The following SEMA5B variants were observed in gnomAD, a reference collection of about 807,000 sequenced individuals.
SEMA5B encodes semaphorin 5B.
SEMA5B carries 66 observed loss-of-function variants against 135.0 expected under a neutral mutation model. The observed-to-expected ratio is 0.49, with a 90% confidence interval of 0.40 to 0.60. The LOEUF is 0.60. Ranked by LOEUF, SEMA5B falls within the 20% of genes least tolerant of loss-of-function variation. SEMA5B has a pLI of 0.00. For synonymous variants in SEMA5B, 690 were observed against 639.5 expected, an observed-to-expected ratio of 1.08 and a Z score of -1.19; for missense variants, 1,501 against 1,566.3, an observed-to-expected ratio of 0.96 and a Z score of 0.70.
chr3:122,916,861 C>A (rs1012579847), intron 12 of SEMA5B, among the ~76,000 whole-genome samples: 5 of 152,166 alleles, frequency 3.3e-5, no homozygotes, highest in African/African-American at 1.2e-4. Context: ...GGTTCCTCAA[C>A]CCTGAGGGCT....
chr3:122,928,387 G>A, intron 7 of SEMA5B, 130 bp downstream of exon 7: 1 of 616,030 alleles, frequency 1.6e-6, no homozygotes, highest in East Asian at 2.8e-5. Flanking sequence ...AATCTAACTG[G>A]GTGTCCTTTT....
chr3:122,917,205 C>G (rs561297621), intron 12 of SEMA5B, among the ~76,000 whole-genome samples: 3 of 152,214 alleles, frequency 2.0e-5, no homozygotes, highest in South Asian at 4.1e-4. Flanking sequence ...GCTTCCACCC[C>G]CTTCTGAGCC....
In SEMA5B at chr3:122,915,455, A is replaced by C. The variant is rs770985744; in HGVS notation, c.1973T>G (p.Ile658Ser). 1.2e-6 allele frequency: 2 copies of C among 1,611,582 alleles called. No individual in the cohort carries two copies. Among genetic ancestry groups the C allele is most frequent in the Non-Finnish European group, 1.7e-6 (2 of 1,178,618 alleles). ...CCTCACATACCTGGAGCAGTTGGCG[A>C]TGTGGATGGCTGGCCCCAGGCAGTC... The part of the protein sequence containing the change: ...GLDCLGPAIH[I>S]ANCSRNGAWT... The change falls in exon 14 of 23, where the codon ATC (isoleucine) becomes AGC (serine). Residue 658 changes from isoleucine to serine, a missense_variant. Physicochemically the swap from Ile to Ser is moderately radical, Grantham distance 142. This residue lies in a region of SEMA5B where 927 missense variants were observed against 881.6 expected (regional missense o/e 1.05). Transcript: ENST00000357599.
At chr3:122,951,548 AGTCT>A (rs1158416125) in intron 2 of SEMA5B, among the ~76,000 whole-genome samples, 3 of 152,202 alleles carry the variant, frequency 2.0e-5, no homozygotes, top group African/African-American at 4.8e-5. Context: ...CTCCTTCGCT[AGTCT>A]GTCTAACATG....
chr3:122,977,040 ACT>A (rs890292822), intron 1 of SEMA5B, among the ~76,000 whole-genome samples: 6 of 151,978 alleles, frequency 3.9e-5, no homozygotes, highest in African/African-American at 1.5e-4. Context: ...ACAGAGTGAG[ACT>A]CTGTCTTGAA....
At chr3:122,985,438 A>C (rs1160014477) in intron 1 of SEMA5B, among the ~76,000 whole-genome samples, 1 of 152,062 alleles carries the variant, frequency 6.6e-6, no homozygotes, top group Admixed American at 6.6e-5. Flanking sequence ...CAGGAGTTGG[A>C]GACTGCAGTG....
rs560977881 is a variant in SEMA5B at position 122,923,834 on chromosome 3, G to C, written c.1137-82C>G. On this transcript the variant is annotated intron_variant, in intron 9 of 22. Transcript: ENST00000357599. ...CATAAACCCCACAGCCAGCTGTCAT[G>C]TCCAATTCCCAAGGCTCTGTAAGCA... 17 of 1,505,972 alleles carry C rather than the reference G, an allele frequency of 1.1e-5. No individual in the cohort carries two copies. The African/African-American group carries it at 2.3e-4, about 21-fold the overall frequency. 93.3% of individuals were successfully genotyped at this position (1,505,972 alleles called of 1,614,324 possible). A position where few individuals can be genotyped will look rare whatever the true frequency, so the allele number is the denominator to read the frequency against.
intron 2 of SEMA5B, among the ~76,000 whole-genome samples, chr3:122,952,024 C>T (rs186250576): frequency 6.6e-6 from 1 of 152,288 alleles, no homozygotes; most frequent in African/African-American, 2.4e-5. Flanking sequence ...ACCCCTTCTC[C>T]CCCCACTCCC....
At chr3:123,021,551 C>T (rs1312540089) in intron 1 of SEMA5B, among the ~76,000 whole-genome samples, 2 of 152,168 alleles carry the variant, frequency 1.3e-5, no homozygotes, top group East Asian at 3.8e-4. Flanking sequence ...GTATTCCTAA[C>T]AGGGGGGCTC....
chr3:122,982,028 C>A (rs980245814), intron 1 of SEMA5B, among the ~76,000 whole-genome samples: 1 of 152,216 alleles, frequency 6.6e-6, no homozygotes, highest in South Asian at 2.1e-4. Flanking sequence ...CAGTGGAGGG[C>A]TTTGGCTGCA....
intron 1 of SEMA5B, among the ~76,000 whole-genome samples, chr3:122,972,579 G>A (rs1288244260): frequency 6.6e-6 from 1 of 152,178 alleles, no homozygotes; most frequent in African/African-American, 2.4e-5. Context: ...TTTAACCACT[G>A]GCTCCAGATG....
At chr3:122,981,526 TC>T (rs1376895018) in intron 1 of SEMA5B, among the ~76,000 whole-genome samples, 1 of 152,166 alleles carries the variant, frequency 6.6e-6, no homozygotes, top group Non-Finnish European at 1.5e-5. Flanking sequence ...AGATCTAACT[TC>T]CTACACTCAC....
chr3:122,948,502 T>C lies in SEMA5B; in HGVS notation c.328+4A>G. On this transcript the variant is annotated splice_donor_region_variant and intron_variant, in intron 3 of 22. Coordinates refer to ENST00000357599, the MANE Select transcript of SEMA5B (RefSeq NM_001031702.4). Reference sequence around the variant, plus strand: ...GACAGGGCCAAGTAGGAAGCAACTCTTACCTTCAAAGGCCACGGTGGGGTG... The same window carrying C: ...GACAGGGCCAAGTAGGAAGCAACTCCTACCTTCAAAGGCCACGGTGGGGTG... The C allele has an allele frequency of 6.3e-7, 1 of 1,596,312 alleles. No individual in the cohort carries two copies. The highest frequency in any genetic ancestry group is 1.1e-5 in the South Asian group (1 of 89,862).
chr3:122,994,766 G>T (rs1057008854), intron 1 of SEMA5B, among the ~76,000 whole-genome samples: 1 of 152,204 alleles, frequency 6.6e-6, no homozygotes, highest in Non-Finnish European at 1.5e-5. Context: ...CTGAGACTCG[G>T]TTTCCCTGTG....
chr3:123,007,403 C>A (rs1330541043), intron 1 of SEMA5B, among the ~76,000 whole-genome samples: 1 of 152,214 alleles, frequency 6.6e-6, no homozygotes, highest in East Asian at 1.9e-4. Flanking sequence ...ATCTGCTAAG[C>A]ACTTCTCAAT....
chr3:122,926,593 C>T lies in SEMA5B; in HGVS notation c.935G>A (p.Arg312His), dbSNP rs184302192. 1,025 of 1,614,224 alleles carry T rather than the reference C, an allele frequency of 6.3e-4. No homozygotes were observed. Among genetic ancestry groups the T allele is most frequent in the Non-Finnish European group, 7.8e-4 (925 of 1,180,038 alleles). ...GCGGGCCACGCGAGAGTACACGGTG[C>T]GTCCACAGTCGTGCTCCACTGCGTT... ...RENAVEHDCG[R>H]TVYSRVARVC... The change falls in exon 9 of 23, where the codon CGC becomes CAC. Residue 312 changes from arginine to histidine, a missense_variant. Transcript: ENST00000357599.
intron 1 of SEMA5B, among the ~76,000 whole-genome samples, chr3:123,013,854 G>T (rs1942492011): frequency 6.6e-6 from 1 of 152,268 alleles, no homozygotes; most frequent in African/African-American, 2.4e-5. Flanking sequence ...AAAGGATGCT[G>T]ACGGGGAACA....
chr3:122,912,165 C>T lies in SEMA5B; in HGVS notation c.2896+7G>A, dbSNP rs776329813. ...GCTTCCCAGCCCTGGCGGGATGTGC[C>T]TCATACCTGGGCAGGCCTGTGTGGC... is the stretch of plus-strand genomic sequence containing the variant. On this transcript the variant is annotated splice_region_variant and intron_variant, in intron 19 of 22. Transcript: ENST00000357599. 3 of 1,583,330 alleles carry T rather than the reference C, an allele frequency of 1.9e-6. No homozygotes were observed. Among genetic ancestry groups the T allele is most frequent in the Non-Finnish European group, 2.6e-6 (3 of 1,159,754 alleles).
Position 122,926,651 on chromosome 3 carries a change from T to C in SEMA5B, c.877A>G (p.Ile293Val). 1 of 1,611,814 alleles carries C rather than the reference T, an allele frequency of 6.2e-7. No homozygotes were observed. Among genetic ancestry groups the C allele is most frequent in the Non-Finnish European group, 8.5e-7 (1 of 1,178,084 alleles). The change falls in exon 9 of 23, where the codon ATT (isoleucine) becomes GTT (valine). Residue 293 changes from isoleucine to valine, a missense_variant. By Grantham distance (29) the Ile-to-Val change is conservative (BLOSUM62 3). Coordinates refer to ENST00000357599, the MANE Select transcript of SEMA5B (RefSeq NM_001031702.4). ...AGGAAGAAGTATGCAAACAGCCCAA[T>C]ATCATAGGCTGCCACGAAGTTTGGC... ...NEPNFVAAYDIGLFAYFFLRE... is the reference protein window; with the variant it reads ...NEPNFVAAYDVGLFAYFFLRE...
Sources: allele counts gnomAD v4.1 joint callset (sites outside exome capture counted in the v4.1 genomes callset), GRCh38; gene constraint gnomAD v4.1.1; regional missense constraint gnomAD v4.1.1; transcripts MANE v1.5; gene names NCBI Gene and HGNC (gene_info 2026-07-23, HGNC 2026-07-21).